RNF128: variants seen among roughly 807,000 people sequenced by gnomAD.
The protein encoded by RNF128 is E3 ubiquitin-protein ligase RNF128.
A neutral mutation model predicts 26.2 loss-of-function variants in RNF128; 13 were observed. The observed-to-expected ratio is 0.50, with a 90% CI of 0.32 to 0.79. The LOEUF (loss-of-function observed/expected upper bound fraction) is 0.79, where lower values mean the gene tolerates loss of function less well. RNF128 is among the 30% of genes least tolerant of loss of function. RNF128 has a pLI of 0.03. For missense variants in RNF128, 315 were observed against 349.7 expected (o/e 0.90, Z 0.79); for synonymous variants, 149 against 142.5 (o/e 1.05, Z -0.32).
At chrX:106,784,203 A>C (rs1358450695) in intron 2 of RNF128, among the ~76,000 whole-genome samples, 1 of 111,631 alleles carries the variant, frequency 9.0e-6, no homozygotes, top group Non-Finnish European at 1.9e-5. Context: ...GTAACTTCAA[A>C]TTGACAAATA....
chrX:106,767,523 A>G (rs1930274131), intron 1 of RNF128, among the ~76,000 whole-genome samples: 1 of 111,052 alleles, frequency 9.0e-6, no homozygotes, highest in Non-Finnish European at 1.9e-5. Context: ...TTTGTCTGTT[A>G]TTGGTGTATA....
chrX:106,727,658 G>A (rs1929428715), intron 1 of RNF128, among the ~76,000 whole-genome samples: 1 of 111,097 alleles, frequency 9.0e-6, no homozygotes, highest in African/African-American at 3.3e-5. Context: ...GACTGTTTGA[G>A]CTCTTTGCGT....
At chrX:106,745,484 C>A (rs954141215) in intron 1 of RNF128, among the ~76,000 whole-genome samples, 1 of 111,498 alleles carries the variant, frequency 9.0e-6, no homozygotes, top group Non-Finnish European at 1.9e-5. Flanking sequence ...TAAAGAAATA[C>A]GTGAGGCCAG....
rs902347651 is a variant in RNF128 at position 106,736,970 on chromosome X, C to T, written c.484+9573C>T. Among the ~76,000 whole-genome samples the T allele has an allele frequency of 7.2e-5, 8 of 111,335 alleles. No homozygotes were observed. In the East Asian group the frequency reaches 1.1e-3, roughly 16 times the overall value. On this transcript the variant is annotated intron_variant, in intron 1 of 6. Transcript: ENST00000255499. The stretch of plus-strand genomic sequence containing the variant: ...TGGCTGTTCATTATGATAGCCCCAT[C>T]GAGTATGGATTATTATATTATTCCC...
intron 1 of RNF128, among the ~76,000 whole-genome samples, chrX:106,769,546 G>GTTTTT (rs752900867): frequency 3.1e-5 from 2 of 65,096 alleles, no homozygotes; most frequent in Non-Finnish European, 5.4e-5. Flanking sequence ...CACCTGCTTT[G>GTTTTT]TTTTTTTTTT....
Position 106,726,911 on chromosome X carries a change from G to T in RNF128, c.-3G>T. 1 of 1,167,251 alleles carries T rather than the reference G, an allele frequency of 8.6e-7. No individual in the cohort carries two copies. The highest frequency in any genetic ancestry group is 1.9e-5 in the South Asian group (1 of 51,661). On this transcript the variant is annotated 5_prime_UTR_variant, in exon 1 of 7. Coordinates refer to ENST00000255499, the MANE Select transcript of RNF128 (RefSeq NM_194463.2). ...CGCTAGGGAACTGCGGAGCGCGCGC[G>T]CCATGGGGCCGCCGCCTGGGGCCGG...
At chrX:106,754,105 A>G in intron 1 of RNF128, among the ~76,000 whole-genome samples, 1 of 112,674 alleles carries the variant, frequency 8.9e-6, no homozygotes, top group South Asian at 3.7e-4. Flanking sequence ...AATGGACCTA[A>G]TAGATATTTA....
chrX:106,748,952 ATAT>A (rs1569440468), intron 1 of RNF128, among the ~76,000 whole-genome samples: 1 of 112,263 alleles, frequency 8.9e-6, no homozygotes, highest in Non-Finnish European at 1.9e-5. Flanking sequence ...TAATCATTAC[ATAT>A]TATATACAGT....
At chrX:106,705,385 T>G (rs1463774243) in intron 1 of RNF128, among the ~76,000 whole-genome samples, 1 of 112,394 alleles carries the variant, frequency 8.9e-6, no homozygotes, top group Non-Finnish European at 1.9e-5. Context: ...GAGATTAGGA[T>G]TTTAGTAAAA....
At chrX:106,760,027 T>C (rs1215846517) in intron 1 of RNF128, among the ~76,000 whole-genome samples, 3 of 111,605 alleles carry the variant, frequency 2.7e-5, no homozygotes, top group African/African-American at 6.5e-5. Context: ...TGTATGTCTG[T>C]ATCAAAATAT....
intron 1 of RNF128, among the ~76,000 whole-genome samples, chrX:106,765,330 A>G (rs1346337461): frequency 8.9e-6 from 1 of 112,163 alleles, no homozygotes; most frequent in African/African-American, 3.2e-5. Flanking sequence ...TCTTTTGAAA[A>G]CTTTGGCTAC....
chrX:106,752,481 G>A (rs748829895), intron 1 of RNF128, among the ~76,000 whole-genome samples: 11 of 112,844 alleles, frequency 9.7e-5, no homozygotes, highest in Non-Finnish European at 1.3e-4. Context: ...GAGCCACAGC[G>A]TTACTGGGCT....
At chrX:106,785,762 T>C (rs1462880275) in intron 3 of RNF128, among the ~76,000 whole-genome samples, 2 of 112,387 alleles carry the variant, frequency 1.8e-5, no homozygotes, top group South Asian at 7.3e-4. Flanking sequence ...GTTACTTTGG[T>C]TGAATACGCA....
At chrX:106,696,127 A>G (rs1023466595) in intron 1 of RNF128, among the ~76,000 whole-genome samples, 1 of 111,935 alleles carries the variant, frequency 8.9e-6, no homozygotes, top group African/African-American at 3.2e-5. Context: ...AAGCTACAGT[A>G]TTGCACCTAT....
intron 1 of RNF128, among the ~76,000 whole-genome samples, chrX:106,714,734 C>T (rs1166386137): frequency 1.8e-5 from 2 of 111,932 alleles, no homozygotes; most frequent in Non-Finnish European, 3.8e-5. Flanking sequence ...TAACTCTGGG[C>T]AACCACTAAT....
intron 6 of RNF128, among the ~76,000 whole-genome samples, chrX:106,791,993 A>C (rs1000252987): frequency 9.0e-6 from 1 of 111,392 alleles, no homozygotes; most frequent in Non-Finnish European, 1.9e-5. Context: ...CTGATTGTCA[A>C]GATGACTTAT....
intron 1 of RNF128, among the ~76,000 whole-genome samples, chrX:106,765,987 T>C (rs1287767767): frequency 1.8e-5 from 2 of 108,770 alleles, no homozygotes; most frequent in African/African-American, 6.7e-5. Flanking sequence ...TCTGTCTTGG[T>C]GATAGTTTGC....
At chrX:106,790,974 CA>C in intron 5 of RNF128, 91 bp from the exon 6 acceptor site, 3 of 786,834 alleles carry the variant, frequency 3.8e-6, no homozygotes. Context: ...AATATTGCTC[CA>C]ATGAGTCACC....
intron 1 of RNF128, among the ~76,000 whole-genome samples, chrX:106,736,246 T>C (rs776040236): frequency 9.8e-5 from 11 of 111,797 alleles, no homozygotes; most frequent in Admixed American, 2.9e-4. Flanking sequence ...AGTTACTTGT[T>C]TTTAAAATGA....
Sources: allele counts gnomAD v4.1 joint callset (sites outside exome capture counted in the v4.1 genomes callset), GRCh38; gene constraint gnomAD v4.1.1; transcripts MANE v1.5; gene names NCBI Gene and HGNC (gene_info 2026-07-23, HGNC 2026-07-21).